SOBP: variants seen among roughly 807,000 people sequenced by gnomAD.
SOBP encodes sine oculis-binding protein homolog.
SOBP carries 4 observed loss-of-function variants against 53.6 expected under a neutral mutation model. The observed-to-expected ratio is 0.07, with a 90% CI of 0.04 to 0.17. SOBP has a LOEUF of 0.17. SOBP is among the 10% of genes least tolerant of loss of function. The pLI is 1.00. For missense variants in SOBP, 1,088 were observed against 1,204.7 expected, an observed-to-expected ratio of 0.90 and a Z score of 1.43; for synonymous variants, 584 against 522.6, an observed-to-expected ratio of 1.12 and a Z score of -1.60.
intron 5 of SOBP, among the ~76,000 whole-genome samples, chr6:107,621,582 G>A (rs1429370614): frequency 2.0e-5 from 3 of 152,178 alleles, no homozygotes; most frequent in South Asian, 2.1e-4. Flanking sequence ...TAAAAAAGAC[G>A]ATAGGCAATC....
intron 1 of SOBP, among the ~76,000 whole-genome samples, chr6:107,500,729 G>A (rs551287127): frequency 2.6e-5 from 4 of 151,868 alleles, no homozygotes; most frequent in African/African-American, 4.8e-5. Context: ...GTTTCACCAT[G>A]TTAGCCAGGA....
chr6:107,618,631 T>C (rs888864254), intron 5 of SOBP, among the ~76,000 whole-genome samples: 4 of 152,208 alleles, frequency 2.6e-5, no homozygotes, highest in Non-Finnish European at 5.9e-5. Context: ...GGACAGTCCT[T>C]TGTGTATAAA....
chr6:107,603,609 C>T (rs1420750155), intron 5 of SOBP, among the ~76,000 whole-genome samples: 4 of 152,150 alleles, frequency 2.6e-5, no homozygotes, highest in Admixed American at 6.5e-5. Context: ...AGCTTAAGTA[C>T]GATGTAATGG....
intron 4 of SOBP, among the ~76,000 whole-genome samples, chr6:107,535,009 A>G (rs1783951331): frequency 6.6e-6 from 1 of 152,176 alleles, no homozygotes; most frequent in African/African-American, 2.4e-5. Context: ...AGCCCTACTT[A>G]CCACAACAAA....
chr6:107,505,890 A>G lies in SOBP; in HGVS notation c.236-352A>G, dbSNP rs559088347. 7.2e-5 allele frequency among the ~76,000 whole-genome samples: 11 copies of G among 152,290 alleles called. No individual in the cohort carries two copies. In the South Asian group the frequency reaches 1.4e-3, roughly 20 times the overall value. On this transcript the variant is annotated intron_variant, in intron 2 of 6. Transcript: ENST00000317357. ...GGTTTTGAACTCCTGACCTCAGGCA[A>G]TCCACCCTCCTTGGCCTCCCAAAGT...
chr6:107,642,003 G>A (rs1264209678), intron 6 of SOBP, among the ~76,000 whole-genome samples: 1 of 152,236 alleles, frequency 6.6e-6, no homozygotes, highest in Non-Finnish European at 1.5e-5. Context: ...CACTTTCTAT[G>A]TGGATGGATG....
At chr6:107,562,116 C>T (rs959066177) in intron 4 of SOBP, among the ~76,000 whole-genome samples, 4 of 151,214 alleles carry the variant, frequency 2.6e-5, no homozygotes, top group South Asian at 2.1e-4. Flanking sequence ...CTGCAACCTC[C>T]GCTTCCCGGG....
intron 4 of SOBP, among the ~76,000 whole-genome samples, chr6:107,543,002 A>C (rs1242860481): frequency 1.3e-5 from 2 of 152,068 alleles, no homozygotes; most frequent in Non-Finnish European, 2.9e-5. Flanking sequence ...TATGGTAAAG[A>C]GATGGTAATC....
intron 3 of SOBP, among the ~76,000 whole-genome samples, chr6:107,527,842 T>C (rs959307344): frequency 1.3e-5 from 2 of 152,244 alleles, no homozygotes; most frequent in African/African-American, 4.8e-5. Flanking sequence ...GATCTGCCTG[T>C]TGCTTTTCTT....
intron 4 of SOBP, among the ~76,000 whole-genome samples, chr6:107,586,536 T>C (rs755063024): frequency 3.5e-4 from 52 of 150,658 alleles, no homozygotes; most frequent in African/African-American, 1.2e-3. Flanking sequence ...TTTTTTTTAC[T>C]GCATTTGATT....
At chr6:107,536,989 G>T (rs1426961150) in intron 4 of SOBP, among the ~76,000 whole-genome samples, 2 of 152,314 alleles carry the variant, frequency 1.3e-5, no homozygotes, top group South Asian at 2.1e-4. Flanking sequence ...ATTATTTCAT[G>T]TATTGGAGAC....
intron 5 of SOBP, among the ~76,000 whole-genome samples, chr6:107,605,363 G>A (rs981193116): frequency 6.6e-6 from 1 of 152,166 alleles, no homozygotes. Context: ...CAGGGGCCTC[G>A]GCTTCTTAAC....
intron 5 of SOBP, among the ~76,000 whole-genome samples, chr6:107,630,064 A>G (rs541058723): frequency 2.0e-5 from 3 of 152,294 alleles, no homozygotes; most frequent in East Asian, 1.9e-4. Context: ...CCTCTGTCCA[A>G]TCTAGGACCT....
intron 5 of SOBP, among the ~76,000 whole-genome samples, chr6:107,609,296 G>A (rs1786505686): frequency 1.3e-5 from 2 of 152,294 alleles, no homozygotes; most frequent in African/African-American, 4.8e-5. Context: ...TTACTTCAGT[G>A]AATGATCTTT....
chr6:107,549,655 A>G (rs1451885583), intron 4 of SOBP, among the ~76,000 whole-genome samples: 2 of 151,852 alleles, frequency 1.3e-5, no homozygotes, highest in Non-Finnish European at 2.9e-5. Context: ...TTTAGTACTT[A>G]GTAAGTATCA....
rs1015973500 is a variant in SOBP at position 107,522,609 on chromosome 6, A to C, written c.422-10850A>C. On this transcript the variant is annotated intron_variant, in intron 3 of 6. Transcript: ENST00000317357. ...TAGGCTGGAGTCGAGTGGTGCCATC[A>C]CAGCTTACCGCAGCCTTGACCTCCC... is the stretch of plus-strand genomic sequence containing the variant. 1.2e-4 allele frequency among the ~76,000 whole-genome samples: 16 copies of C among 132,448 alleles called. No homozygotes were observed. In the East Asian group the frequency reaches 3.2e-3, roughly 27 times the overall value. The allele number at this position is 132,448 out of a possible 152,430, so 86.9% of individuals were successfully genotyped here.
At chr6:107,558,674 A>G (rs771230562) in intron 4 of SOBP, among the ~76,000 whole-genome samples, 1 of 151,018 alleles carries the variant, frequency 6.6e-6, no homozygotes, top group African/African-American at 2.4e-5. Flanking sequence ...AATTAATAAA[A>G]TATAATAAAT....
At chr6:107,559,211 T>C (rs1019671891) in intron 4 of SOBP, among the ~76,000 whole-genome samples, 2 of 152,210 alleles carry the variant, frequency 1.3e-5, no homozygotes, top group Non-Finnish European at 2.9e-5. Flanking sequence ...AAAGCTAGCT[T>C]ATAAACGAGT....
chr6:107,642,441 A>G (rs1771369257), intron 6 of SOBP, among the ~76,000 whole-genome samples: 1 of 152,256 alleles, frequency 6.6e-6, no homozygotes, highest in Non-Finnish European at 1.5e-5. Flanking sequence ...CAAGTGTACT[A>G]CATAGTTTAA....
Sources: gnomAD v4.1 joint callset for allele counts (sites outside exome capture counted in the v4.1 genomes callset) on GRCh38, gnomAD v4.1.1 for gene constraint, MANE v1.5 for transcripts, NCBI Gene and HGNC (gene_info 2026-07-23, HGNC 2026-07-21) for gene names.